The following LYZL1 variants were observed in gnomAD, a reference collection of about 807,000 sequenced individuals.
LYZL1 encodes the protein lysozyme-like protein 1.
In LYZL1, 16 loss-of-function variants were observed where a neutral mutation model predicts 17.9. The observed-to-expected ratio is 0.90, with a 90% CI of 0.61 to 1.36. The LOEUF is 1.36. LYZL1 is among the 40% of genes most tolerant of loss of function. The probability of loss-of-function intolerance (pLI) is 0.00; values close to 1 mark genes in which losing one functional copy is unlikely to be tolerated. For synonymous variants in LYZL1, 58 were observed against 71.8 expected (o/e 0.81, Z 0.97); for missense variants, 149 against 188.4 (o/e 0.79, Z 1.22).
chr10:29,306,364 A>C (rs1435764142), intron 3 of LYZL1, among the ~76,000 whole-genome samples: 4 of 149,044 alleles, frequency 2.7e-5, no homozygotes, highest in African/African-American at 4.9e-5. Flanking sequence ...TCCCGGCTAA[A>C]ACGGTGAAAC....
In LYZL1 at chr10:29,298,252, C is replaced by T. The variant is rs189876302; in HGVS notation, c.298+5575C>T. 9.9e-5 allele frequency among the ~76,000 whole-genome samples: 15 copies of T among 152,278 alleles called. 1 individual carries two copies. The East Asian group carries it at 2.9e-3, about 29-fold the overall frequency. On this transcript the variant is annotated intron_variant, in intron 3 of 4. Coordinates refer to ENST00000649382, the MANE Select transcript of LYZL1 (RefSeq NM_032517.6). Reference sequence around the variant, plus strand: ...TGAGGAATGGAAAGAGAACTATGACCAGCACCGAGGTACAAGGGGTCTGCA... The same window carrying T: ...TGAGGAATGGAAAGAGAACTATGACTAGCACCGAGGTACAAGGGGTCTGCA...
chr10:29,307,541 T>C (rs1024538661), intron 3 of LYZL1, among the ~76,000 whole-genome samples: 3 of 152,254 alleles, frequency 2.0e-5, no homozygotes, highest in African/African-American at 7.2e-5. Context: ...AATTGTCACA[T>C]GTTGCTAATG....
downstream of LYZL1, among the ~76,000 whole-genome samples, chr10:29,311,671 A>C (rs1835674469): frequency 6.6e-6 from 1 of 152,158 alleles, no homozygotes; most frequent in South Asian, 2.1e-4. Flanking sequence ...TTTTCCTGAC[A>C]TATTTTGCTA....
rs1308636390 is a variant in LYZL1, at chr10:29,289,082, C to T, written c.-174C>T. On this transcript the variant is annotated 5_prime_UTR_variant, in exon 1 of 5. Transcript: ENST00000649382. ...ATGTTCTTGAGCTAGGAAAGGATTA[C>T]TCGCGCCTCGTTAGAATCAGACATG... is the stretch of plus-strand genomic sequence containing the variant. 3 of 1,529,488 alleles carry T rather than the reference C, an allele frequency of 2.0e-6. No individual in the cohort carries two copies. Among genetic ancestry groups the T allele is most frequent in the Non-Finnish European group, 2.7e-6 (3 of 1,131,958 alleles). The allele number at this position is 1,529,488 out of a possible 1,614,324, so 94.7% of individuals were successfully genotyped here.
intron 3 of LYZL1, among the ~76,000 whole-genome samples, chr10:29,306,347 G>C (rs1156555085): frequency 7.3e-6 from 1 of 137,256 alleles, no homozygotes; most frequent in Admixed American, 7.2e-5. Context: ...TCAGGAGATC[G>C]AGACCATCCC....
intron 3 of LYZL1, among the ~76,000 whole-genome samples, chr10:29,300,647 G>C (rs535832394): frequency 3.3e-5 from 5 of 152,270 alleles, no homozygotes; most frequent in African/African-American, 1.2e-4. Flanking sequence ...CTTTCCTTCA[G>C]CTGAAAGAAC....
At chr10:29,292,781 G>C in intron 3 of LYZL1, 104 bp downstream of exon 3, 1 of 1,502,116 alleles carries the variant, frequency 6.7e-7, no homozygotes, top group African/African-American at 1.4e-5. Flanking sequence ...TGGAGTTCAG[G>C]CTTGCAAATA....
At chr10:29,308,919 C>T (rs539923465) in intron 3 of LYZL1, among the ~76,000 whole-genome samples, 170 of 152,294 alleles carry the variant, frequency 1.1e-3, no homozygotes, top group African/African-American at 4.0e-3. Flanking sequence ...GAGCTATAAT[C>T]ATGCCACTGC....
intron 3 of LYZL1, among the ~76,000 whole-genome samples, chr10:29,316,696 T>G (rs1370704758): frequency 6.7e-6 from 1 of 148,210 alleles, no homozygotes; most frequent in East Asian, 2.0e-4. Flanking sequence ...TTCTTTTTCT[T>G]TTTCCTTTTC....
intron 3 of LYZL1, among the ~76,000 whole-genome samples, chr10:29,293,127 C>CTTTTCTTTTTTTTTTTTTTTTTTT (rs1835397932): frequency 9.6e-6 from 1 of 104,198 alleles, no homozygotes; most frequent in African/African-American, 3.5e-5. Flanking sequence ...CTTTTCTTTT[C>CTTTTCTTTTTTTTTTTTTTTTTTT]TTTTTTCTTT....
At chr10:29,293,571 C>T (rs772484346) in intron 3 of LYZL1, among the ~76,000 whole-genome samples, 7 of 152,160 alleles carry the variant, frequency 4.6e-5, no homozygotes, top group Admixed American at 2.0e-4. Context: ...CTTTACCGAA[C>T]TTTCATGTGA....
At chr10:29,299,651 C>A (rs553852306) in intron 3 of LYZL1, among the ~76,000 whole-genome samples, 1 of 152,298 alleles carries the variant, frequency 6.6e-6, no homozygotes, top group South Asian at 2.1e-4. Flanking sequence ...GGTGAATTGA[C>A]CCTTTTGTCA....
At chr10:29,290,249 C>T (rs1425836689) in intron 1 of LYZL1, among the ~76,000 whole-genome samples, 2 of 152,204 alleles carry the variant, frequency 1.3e-5, no homozygotes, top group East Asian at 3.9e-4. Context: ...AGAAATTTCA[C>T]TTCACCCCAT....
chr10:29,313,109 C>CTAAA (rs1158871233), downstream of LYZL1, among the ~76,000 whole-genome samples: 1 of 152,052 alleles, frequency 6.6e-6, no homozygotes, highest in African/African-American at 2.4e-5. Context: ...CGCTACTTGC[C>CTAAA]TAAATAAATA....
chr10:29,307,867 T>A (rs1392894329), intron 3 of LYZL1, among the ~76,000 whole-genome samples: 2 of 152,136 alleles, frequency 1.3e-5, no homozygotes, highest in East Asian at 3.9e-4. Context: ...GGTGAAAGGA[T>A]AAACACCTCT....
At chr10:29,313,751 G>A (rs979614530), downstream of LYZL1, among the ~76,000 whole-genome samples, 22 of 152,160 alleles carry the variant, frequency 1.4e-4, no homozygotes, top group African/African-American at 5.3e-4. Context: ...TTTAACAAAA[G>A]CATATTTCAG....
chr10:29,296,580 C>A (rs1835449034), intron 3 of LYZL1, among the ~76,000 whole-genome samples: 1 of 152,204 alleles, frequency 6.6e-6, no homozygotes, highest in African/African-American at 2.4e-5. Flanking sequence ...TCAACTGAGA[C>A]CTCAACAATC....
intron 3 of LYZL1, among the ~76,000 whole-genome samples, chr10:29,300,712 T>C (rs1835506035): frequency 6.6e-6 from 1 of 152,212 alleles, no homozygotes; most frequent in South Asian, 2.1e-4. Context: ...AGAGGTCTAC[T>C]GGCAAGCATT....
At chr10:29,310,573 G>T (rs979564837) in intron 4 of LYZL1, among the ~76,000 whole-genome samples, 12 of 152,156 alleles carry the variant, frequency 7.9e-5, no homozygotes, top group African/African-American at 2.9e-4. Flanking sequence ...ATTTTGCAGG[G>T]AAAGAGAATG....
Sources: gnomAD v4.1 joint callset for allele counts (sites outside exome capture counted in the v4.1 genomes callset) on GRCh38, gnomAD v4.1.1 for gene constraint, MANE v1.5 for transcripts, NCBI Gene and HGNC (gene_info 2026-07-23, HGNC 2026-07-21) for gene names.